Variants in HERC6 observed in about 807,000 individuals in gnomAD.
HERC6 encodes probable E3 ubiquitin-protein ligase HERC6.
Under a neutral mutation model 114.5 loss-of-function variants are expected in HERC6, and 101 were observed. That is an observed-to-expected ratio of 0.88 (90% CI 0.75 to 1.04). The LOEUF (loss-of-function observed/expected upper bound fraction) is 1.04. HERC6 is among the 50% of genes least tolerant of loss of function. HERC6 has a pLI of 0.00. For missense variants in HERC6, 1,133 were observed against 1,230.9 expected (o/e 0.92, Z 1.19); for synonymous variants, 408 against 436.2 (o/e 0.94, Z 0.81).
At chr4:88,395,969 A>G (rs1735207525) in intron 5 of HERC6, 46 bp from the exon 6 acceptor site, 1 of 1,529,280 alleles carries the variant, frequency 6.5e-7, no homozygotes, top group African/African-American at 1.4e-5. Context: ...GCTTTTAGTT[A>G]CCTTGTTAAA....
intron 11 of HERC6, among the ~76,000 whole-genome samples, chr4:88,411,051 C>T (rs1272825481): frequency 1.3e-5 from 2 of 152,094 alleles, no homozygotes; most frequent in East Asian, 3.8e-4. Flanking sequence ...ATCTTTATAC[C>T]ATTTTGATGG....
At chr4:88,398,000 T>A (rs933392956) in intron 7 of HERC6, 142 bp from the exon 8 acceptor site, 108 of 551,462 alleles carry the variant, frequency 2.0e-4, no homozygotes, top group Non-Finnish European at 3.1e-4. Context: ...AAGAAAAAAA[T>A]TAATCTTTTA....
In HERC6 at chr4:88,385,584, C is replaced by A. The variant is rs779046186; in HGVS notation, c.436+9C>A. 8.3e-6 allele frequency: 12 copies of A among 1,444,852 alleles called. No homozygotes were observed. In the South Asian group the frequency reaches 1.6e-4, roughly 19 times the overall value. 89.5% of individuals were successfully genotyped at this position (1,444,852 alleles called of 1,614,324 possible). ...CCTGGCATTATCAAAAGGTAAGAAA[C>A]ACTTTTTGGATCTGAGTGTGAGTAG... On this transcript the variant is annotated intron_variant, in intron 3 of 22. Transcript: ENST00000264346.
At chr4:88,392,698 C>T (rs1734982546) in intron 4 of HERC6, among the ~76,000 whole-genome samples, 1 of 152,198 alleles carries the variant, frequency 6.6e-6, no homozygotes, top group Non-Finnish European at 1.5e-5. Flanking sequence ...AAAACCACAA[C>T]CTTGCAGTTA....
At position 88,439,810 on chromosome 4, in the gene HERC6, A is replaced by G. The variant is rs1739145621; in HGVS notation, c.2556-64A>G. The G allele has an allele frequency of 3.0e-6, 4 of 1,349,346 alleles. No homozygotes were observed. In the Admixed American group the frequency reaches 9.5e-5, roughly 32 times the overall value. 83.6% of individuals were successfully genotyped at this position (1,349,346 alleles called of 1,614,324 possible). A position where few individuals can be genotyped will look rare whatever the true frequency, so the allele number is the denominator to read the frequency against. ...AAATAGTAAAAAGAACAAAGTATAA[A>G]ATCTTTTAATCATTGGCCTTTTCCT... is the stretch of plus-strand genomic sequence containing the variant. On this transcript the variant is annotated intron_variant, in intron 20 of 22. Transcript: ENST00000264346.
intron 9 of HERC6, 24 bp from the exon 10 acceptor site, chr4:88,405,528 CTT>C: frequency 1.4e-6 from 2 of 1,397,270 alleles, no homozygotes; most frequent in Non-Finnish European, 2.0e-6. Flanking sequence ...TATGTTGTGA[CTT>C]ACCCCTTGTT....
At position 88,442,334 on chromosome 4, in the gene HERC6, A is replaced by G; in HGVS notation, c.2943A>G (p.Thr981=). ...PETFSERDHP[T]SITCHNILSL... ...CTTTCAGTGAAAGAGATCACCCAACATCAATAACTTGTCATAATATTCTCT... is the reference window on the plus strand; with the variant it reads ...CTTTCAGTGAAAGAGATCACCCAACGTCAATAACTTGTCATAATATTCTCT... The change falls in exon 23 of 23, where the codon ACA becomes ACG. Residue 981 remains threonine, a synonymous_variant. Coordinates refer to ENST00000264346, the MANE Select transcript of HERC6 (RefSeq NM_017912.4). 6.2e-7 allele frequency: 1 copy of G among 1,613,804 alleles called. No individual in the cohort carries two copies. The highest frequency in any genetic ancestry group is 8.5e-7 in the Non-Finnish European group (1 of 1,179,808).
chr4:88,442,569 G>T lies in HERC6; in HGVS notation c.*109G>T. 1.2e-6 allele frequency: 1 copy of T among 843,002 alleles called. No individual in the cohort carries two copies. The highest frequency in any genetic ancestry group is 1.9e-6 in the Non-Finnish European group (1 of 525,922). The allele number at this position is 843,002 out of a possible 1,614,324, so 52.2% of individuals were successfully genotyped here. ...TGAATAGTGGTTAGAAGTAGTTGAG[G>T]GAGAGATTGGGGGAATGGGGAGATG... On this transcript the variant is annotated 3_prime_UTR_variant, in exon 23 of 23. Coordinates refer to ENST00000264346, the MANE Select transcript of HERC6 (RefSeq NM_017912.4).
chr4:88,379,118 C>T lies in HERC6; in HGVS notation c.197C>T (p.Pro66Leu). Residue 66 changes from proline (P) to leucine (L), a missense_variant and splice_region_variant, in exon 1 of 23, where the codon CCA becomes CTA. Physicochemically the swap from Pro to Leu is moderately conservative, Grantham distance 98. Transcript: ENST00000264346. Reference sequence around the variant, plus strand: ...AGGGGCGCGCAGCGCGGGGAGCTGCCAGGTGAGCGGGGGGCCCCAGGTGCA... The same window carrying T: ...AGGGGCGCGCAGCGCGGGGAGCTGCTAGGTGAGCGGGGGGCCCCAGGTGCA... ...GRRGAQRGEL[P>L]EPIQALETLI... 1 of 1,540,042 alleles carries T rather than the reference C, an allele frequency of 6.5e-7. No homozygotes were observed. The highest frequency in any genetic ancestry group is 8.7e-7 in the Non-Finnish European group (1 of 1,145,176).
intron 2 of HERC6, 150 bp from the exon 3 acceptor site, chr4:88,385,349 C>A: frequency 1.8e-6 from 1 of 563,138 alleles, no homozygotes; most frequent in East Asian, 3.4e-5. Flanking sequence ...AGTTTGAGGG[C>A]TTTGAAATAA....
chr4:88,385,604 G>T, intron 3 of HERC6, 29 bp downstream of exon 3: 2 of 1,207,798 alleles, frequency 1.7e-6, no homozygotes, highest in Admixed American at 3.0e-5. Context: ...ATCTGAGTGT[G>T]AGTAGGAAGT....
chr4:88,425,141 T>C (rs924739249), intron 15 of HERC6, among the ~76,000 whole-genome samples: 2 of 152,216 alleles, frequency 1.3e-5, no homozygotes, highest in Non-Finnish European at 2.9e-5. Flanking sequence ...TCAGGGCACT[T>C]GGTTCCTCCA....
At position 88,440,236 on chromosome 4, in the gene HERC6, A is replaced by C. The variant is rs369515864; in HGVS notation, c.2828A>C (p.Lys943Thr). 1 of 1,581,390 alleles carries C rather than the reference A, an allele frequency of 6.3e-7. No individual in the cohort carries two copies. Among genetic ancestry groups the C allele is most frequent in the South Asian group, 1.1e-5 (1 of 87,962 alleles). ...KAFHKLTLDE[K>T]KKFLFFLTGR... The stretch of plus-strand genomic sequence containing the variant: ...TTCCACAAACTAACCTTGGATGAAA[A>C]GAAAAAATTCCTCTGTAAGTACTGT... Residue 943 changes from lysine (K) to threonine (T), a missense_variant, in exon 22 of 23, where the codon AAG (lysine) becomes ACG (threonine). Coordinates refer to ENST00000264346, the MANE Select transcript of HERC6 (RefSeq NM_017912.4).
chr4:88,427,436 G>A (rs921494259), intron 15 of HERC6, among the ~76,000 whole-genome samples: 1 of 152,066 alleles, frequency 6.6e-6, no homozygotes, highest in Non-Finnish European at 1.5e-5. Flanking sequence ...ATTGCTGGAT[G>A]TCCCAGACCT....
chr4:88,422,065 C>T (rs1737119955), intron 13 of HERC6, among the ~76,000 whole-genome samples: 1 of 152,106 alleles, frequency 6.6e-6, no homozygotes, highest in Admixed American at 6.6e-5. Context: ...TCACTTTCAC[C>T]ATGGTGTCTT....
At chr4:88,424,528 G>A in intron 14 of HERC6, 67 bp from the exon 15 acceptor site, 2 of 1,196,170 alleles carry the variant, frequency 1.7e-6, no homozygotes, top group Non-Finnish European at 2.4e-6. Flanking sequence ...AGGCGATAAG[G>A]TAAAGGAAGT....
intron 11 of HERC6, among the ~76,000 whole-genome samples, chr4:88,411,577 C>A (rs1736105776): frequency 6.6e-6 from 1 of 152,124 alleles, no homozygotes; most frequent in Non-Finnish European, 1.5e-5. Context: ...ACCCTTAGGA[C>A]ATGAAAGGCA....
At chr4:88,438,352 GA>G (rs1386186115) in intron 20 of HERC6, among the ~76,000 whole-genome samples, 1 of 152,044 alleles carries the variant, frequency 6.6e-6, no homozygotes, top group Non-Finnish European at 1.5e-5. Flanking sequence ...TAGTCAAAAA[GA>G]CAGACAAAAT....
chr4:88,426,329 T>A (rs1005941904), intron 15 of HERC6, among the ~76,000 whole-genome samples: 1 of 151,686 alleles, frequency 6.6e-6, no homozygotes, highest in African/African-American at 2.4e-5. Context: ...CCACCATGCC[T>A]GGCTAATTTT....
Sources: gnomAD v4.1 joint callset for allele counts (sites outside exome capture counted in the v4.1 genomes callset) on GRCh38, gnomAD v4.1.1 for gene constraint, MANE v1.5 for transcripts, NCBI Gene and HGNC (gene_info 2026-07-23, HGNC 2026-07-21) for gene names.